The following CNTNAP2 variants were observed in gnomAD, a reference collection of about 807,000 sequenced individuals.
CNTNAP2 encodes the protein contactin associated protein 2, also known as contactin-associated protein-like 2.
Under a neutral mutation model 155.2 loss-of-function variants are expected in CNTNAP2, and 98 were observed. That is an observed-to-expected ratio of 0.63 (90% CI 0.54 to 0.75). The LOEUF is 0.75. Among genes scored for constraint, CNTNAP2 ranks in the 30% least tolerant of loss-of-function variants. The pLI, the probability that CNTNAP2 is intolerant of heterozygous loss-of-function variation, is 0.00. For missense variants in CNTNAP2, 1,727 were observed against 1,688.1 expected, an observed-to-expected ratio of 1.02 and a Z score of -0.40; for synonymous variants, 651 against 631.2, an observed-to-expected ratio of 1.03 and a Z score of -0.47.
At chr7:146,175,193 TC>T (rs1468905714) in intron 1 of CNTNAP2, among the ~76,000 whole-genome samples, 2 of 152,188 alleles carry the variant, frequency 1.3e-5, no homozygotes, top group East Asian at 3.9e-4. Context: ...AGAGGCAGAG[TC>T]ACCTTGGGGA....
chr7:147,909,106 AT>A (rs1170045097), intron 14 of CNTNAP2, among the ~76,000 whole-genome samples: 1 of 152,200 alleles, frequency 6.6e-6, no homozygotes, highest in Admixed American at 6.5e-5. Context: ...TTACAGATGC[AT>A]AAATTGGGGC....
At chr7:147,789,840 T>G (rs1797792793) in intron 13 of CNTNAP2, among the ~76,000 whole-genome samples, 1 of 152,134 alleles carries the variant, frequency 6.6e-6, no homozygotes, top group African/African-American at 2.4e-5. Context: ...ACTCTTGGAC[T>G]TACATCAGCA....
chr7:147,682,333 A>G (rs1795958562), intron 13 of CNTNAP2, among the ~76,000 whole-genome samples: 1 of 151,910 alleles, frequency 6.6e-6, no homozygotes, highest in South Asian at 2.1e-4. Context: ...CTAGCATCTT[A>G]CCCATAAATC....
At chr7:146,843,621 T>C (rs1803786518) in intron 3 of CNTNAP2, among the ~76,000 whole-genome samples, 1 of 146,038 alleles carries the variant, frequency 6.8e-6, no homozygotes. Context: ...AAGAGTCCAA[T>C]CCTTTGACGT....
At chr7:147,507,944 A>G (rs1049161372) in intron 11 of CNTNAP2, among the ~76,000 whole-genome samples, 6 of 151,992 alleles carry the variant, frequency 3.9e-5, no homozygotes, top group Non-Finnish European at 5.9e-5. Context: ...GCTTCTCAGT[A>G]TACTTCCTGG....
chr7:146,399,543 T>G (rs1795684386), intron 1 of CNTNAP2, among the ~76,000 whole-genome samples: 1 of 152,240 alleles, frequency 6.6e-6, no homozygotes, highest in East Asian at 1.9e-4. Flanking sequence ...ACTGTGTATA[T>G]ATACCACATT....
chr7:147,103,741 A>T (rs888043548), intron 4 of CNTNAP2, among the ~76,000 whole-genome samples: 1 of 151,794 alleles, frequency 6.6e-6, no homozygotes, highest in Non-Finnish European at 1.5e-5. Flanking sequence ...GAATTATTAT[A>T]TAATTGAAAA....
chr7:147,557,266 A>G (rs1799969916), intron 11 of CNTNAP2, among the ~76,000 whole-genome samples: 1 of 152,048 alleles, frequency 6.6e-6, no homozygotes, highest in Non-Finnish European at 1.5e-5. Context: ...TCCATCTCAA[A>G]AGAAAAAAAA....
intron 1 of CNTNAP2, among the ~76,000 whole-genome samples, chr7:146,239,439 C>A (rs1057450028): frequency 1.3e-5 from 2 of 152,094 alleles, no homozygotes; most frequent in African/African-American, 4.8e-5. Flanking sequence ...CTGAAATAGT[C>A]GCAGTTAGTG....
intron 15 of CNTNAP2, among the ~76,000 whole-genome samples, chr7:148,035,224 C>G (rs898982316): frequency 5.9e-5 from 9 of 152,100 alleles, no homozygotes; most frequent in Non-Finnish European, 1.0e-4. Context: ...GCCAAGCAAC[C>G]CTTTAATAAA....
intron 1 of CNTNAP2, among the ~76,000 whole-genome samples, chr7:146,131,497 T>C (rs1797712599): frequency 6.6e-6 from 1 of 152,232 alleles, no homozygotes; most frequent in African/African-American, 2.4e-5. Flanking sequence ...CTTTCATTCT[T>C]ATTACATTTG....
intron 12 of CNTNAP2, among the ~76,000 whole-genome samples, chr7:147,622,946 C>T (rs181864702): frequency 1.0e-3 from 156 of 152,042 alleles, no homozygotes; most frequent in Non-Finnish European, 1.6e-3. Context: ...ACAACTGATA[C>T]CACAGAAATT....
chr7:146,916,699 C>G (rs2129218746), intron 3 of CNTNAP2, among the ~76,000 whole-genome samples: 1 of 152,014 alleles, frequency 6.6e-6, no homozygotes, highest in African/African-American at 2.4e-5. Context: ...TTATTTGGAT[C>G]TTTTCTCTTC....
At chr7:147,993,077 G>T (rs1801743555) in intron 15 of CNTNAP2, among the ~76,000 whole-genome samples, 1 of 152,180 alleles carries the variant, frequency 6.6e-6, no homozygotes, top group Admixed American at 6.5e-5. Context: ...TAGCTGAGAT[G>T]ATAATGTAAC....
chr7:147,108,025 G>A (rs1265338374), intron 4 of CNTNAP2, 122 bp from the exon 5 acceptor site: 16 of 837,706 alleles, frequency 1.9e-5, no homozygotes, highest in Non-Finnish European at 3.1e-5. Context: ...GAAAAACAGA[G>A]GACTGTCAAT....
At chr7:148,008,028 A>G (rs1422359490) in intron 15 of CNTNAP2, among the ~76,000 whole-genome samples, 2 of 152,112 alleles carry the variant, frequency 1.3e-5, no homozygotes, top group Non-Finnish European at 2.9e-5. Context: ...TTTTCCTGCA[A>G]TTCGCTGGGT....
chr7:148,278,529 C>G lies in CNTNAP2; in HGVS notation c.3475+11403C>G, dbSNP rs1435685741. On this transcript the variant is annotated intron_variant, in intron 21 of 23. Coordinates refer to ENST00000361727, the MANE Select transcript of CNTNAP2 (RefSeq NM_014141.6). ...AGCTTGCAGTAAGCCGAGATCGCGCCACTGCACTCCAGCCTGGGCAACAGA... is the reference window on the plus strand; with the variant it reads ...AGCTTGCAGTAAGCCGAGATCGCGCGACTGCACTCCAGCCTGGGCAACAGA... Among the ~76,000 whole-genome samples, 4 of 143,998 alleles carry G rather than the reference C, an allele frequency of 2.8e-5. No individual in the cohort carries two copies. The East Asian group carries it at 8.1e-4, about 29-fold the overall frequency. The allele number at this position is 143,998 out of a possible 152,430, so 94.5% of individuals were successfully genotyped here.
At chr7:146,757,754 T>G (rs1246164195) in intron 1 of CNTNAP2, among the ~76,000 whole-genome samples, 1 of 152,214 alleles carries the variant, frequency 6.6e-6, no homozygotes, top group East Asian at 1.9e-4. Context: ...CAGCCATCTC[T>G]TCATTATTAT....
At chr7:146,957,518 C>A (rs963895393) in intron 3 of CNTNAP2, among the ~76,000 whole-genome samples, 1 of 152,102 alleles carries the variant, frequency 6.6e-6, no homozygotes, top group African/African-American at 2.4e-5. Flanking sequence ...TGCAAGCATA[C>A]ACAAAAGCAT....
Sources: allele counts gnomAD v4.1 joint callset (sites outside exome capture counted in the v4.1 genomes callset), GRCh38; gene constraint gnomAD v4.1.1; transcripts MANE v1.5; gene names NCBI Gene and HGNC (gene_info 2026-07-23, HGNC 2026-07-21).